The following PROSER2 variants were observed in gnomAD, a reference collection of about 807,000 sequenced individuals.
The protein encoded by PROSER2 is proline and serine rich 2.
A neutral mutation model predicts 14.6 loss-of-function variants in PROSER2; 18 were observed. The ratio of observed to expected loss-of-function variants is 1.23; its 90% CI spans 0.85 to 1.83. The LOEUF (loss-of-function observed/expected upper bound fraction) is 1.83, where lower values mean the gene tolerates loss of function less well. Among genes scored for constraint, PROSER2 ranks in the 40% most tolerant of loss-of-function variants. The pLI is 0.00. For synonymous variants in PROSER2, 367 were observed against 286.4 expected, an observed-to-expected ratio of 1.28 and a Z score of -2.84; for missense variants, 823 against 629.8, an observed-to-expected ratio of 1.31 and a Z score of -3.28.
chr10:11,848,577 A>C (rs1249515204), intron 1 of PROSER2, among the ~76,000 whole-genome samples: 1 of 152,192 alleles, frequency 6.6e-6, no homozygotes, highest in Non-Finnish European at 1.5e-5. Context: ...GACCATGGCC[A>C]GAGTCGTCTT....
intron 2 of PROSER2, among the ~76,000 whole-genome samples, chr10:11,853,099 TG>T (rs1834058850): frequency 6.6e-6 from 1 of 152,184 alleles, no homozygotes; most frequent in African/African-American, 2.4e-5. Flanking sequence ...TAGGAACCAT[TG>T]GGGGCACCTC....
intron 1 of PROSER2, among the ~76,000 whole-genome samples, chr10:11,827,789 C>T (rs1385950940): frequency 2.0e-5 from 3 of 151,808 alleles, no homozygotes; most frequent in Non-Finnish European, 4.4e-5. Flanking sequence ...GATGATCCTC[C>T]CCCCTCAGCC....
At chr10:11,864,031 T>A (rs1050852095) in intron 2 of PROSER2, among the ~76,000 whole-genome samples, 3 of 152,304 alleles carry the variant, frequency 2.0e-5, no homozygotes, top group Admixed American at 2.0e-4. Flanking sequence ...GCTCCGTGTC[T>A]TCTGTCTGGG....
chr10:11,843,472 G>A (rs1833879909), intron 1 of PROSER2, among the ~76,000 whole-genome samples: 1 of 151,822 alleles, frequency 6.6e-6, no homozygotes, highest in Non-Finnish European at 1.5e-5. Context: ...CAGATCATGA[G>A]GTCAAGAGAT....
intron 2 of PROSER2, chr10:11,857,497 C>A (rs1475567814): frequency 6.6e-6 from 1 of 152,152 alleles, no homozygotes; most frequent in African/African-American, 2.4e-5. Flanking sequence ...GTCATCCCAG[C>A]ACTTTGGGAG....
intron 2 of PROSER2, among the ~76,000 whole-genome samples, chr10:11,859,945 C>T (rs992221846): frequency 2.0e-5 from 3 of 152,178 alleles, no homozygotes; most frequent in Non-Finnish European, 2.9e-5. Context: ...GGGCATCTCC[C>T]GAGGGAGGGG....
intron 1 of PROSER2, among the ~76,000 whole-genome samples, chr10:11,825,258 GAAGT>G (rs1833595667): frequency 6.6e-6 from 1 of 151,976 alleles, no homozygotes; most frequent in Non-Finnish European, 1.5e-5. Flanking sequence ...CTAGAACTTA[GAAGT>G]TCAAGTGCAT....
At chr10:11,840,939 AAAAAAAAAAAAAAAAAATATATATAT>A (rs1490981488) in intron 1 of PROSER2, among the ~76,000 whole-genome samples, 5 of 65,518 alleles carry the variant, frequency 7.6e-5, no homozygotes, top group African/African-American at 2.2e-4. Context: ...AAAAAAAAAA[AAAAAAAAAAAAAAAAAATATATATAT>A]ATATATATAT....
chr10:11,867,202 T>C (rs1834366856), intron 3 of PROSER2, among the ~76,000 whole-genome samples: 1 of 143,146 alleles, frequency 7.0e-6, no homozygotes, highest in Admixed American at 7.5e-5. Flanking sequence ...GAGGCAGAGC[T>C]TGCAGTGAGC....
intron 1 of PROSER2, among the ~76,000 whole-genome samples, chr10:11,849,282 C>T (rs1310250700): frequency 1.6e-4 from 25 of 152,184 alleles, no homozygotes; most frequent in Admixed American, 1.6e-3. Context: ...TGGCACTGAA[C>T]ATTGTTACAT....
chr10:11,823,864 C>T lies in PROSER2; in HGVS notation c.-82+394C>T, dbSNP rs1281222150. Among the ~76,000 whole-genome samples, 1 of 152,200 alleles carries T rather than the reference C, an allele frequency of 6.6e-6. No homozygotes were observed. The highest frequency in any genetic ancestry group is 2.4e-5 in the African/African-American group (1 of 41,456). On this transcript the variant is annotated intron_variant, in intron 1 of 3. Coordinates refer to ENST00000277570, the MANE Select transcript of PROSER2 (RefSeq NM_153256.4). This position sits in a 1 kb window ranked among gnomAD's most constrained non-coding sequence, Gnocchi z 6.2. ...CCCCTGTCCTTTGCGCCGTGGGACC[C>T]CATGCGGCCTCGGGGAGAGGGTGCG... is the stretch of plus-strand genomic sequence containing the variant.
Position 11,866,439 on chromosome 10 carries a change from T to G in PROSER2, c.139-92T>G. 1 of 1,508,642 alleles carries G rather than the reference T, an allele frequency of 6.6e-7. No individual in the cohort carries two copies. 93.5% of individuals were successfully genotyped at this position (1,508,642 alleles called of 1,614,324 possible). On this transcript the variant is annotated intron_variant, in intron 2 of 3. Coordinates refer to ENST00000277570, the MANE Select transcript of PROSER2 (RefSeq NM_153256.4). This position sits in a 1 kb window ranked among gnomAD's most constrained non-coding sequence, Gnocchi z 6.0. Reference sequence around the variant, plus strand: ...GGACACAGTGAGTTCCGCCCTGGGCTGTGGACCAATCCCAACTTTGCTTCA... The same window carrying G: ...GGACACAGTGAGTTCCGCCCTGGGCGGTGGACCAATCCCAACTTTGCTTCA...
intron 1 of PROSER2, chr10:11,850,759 A>T (rs1834004264): frequency 6.6e-6 from 1 of 152,194 alleles, no homozygotes; most frequent in African/African-American, 2.4e-5. Context: ...GTCTTAAATG[A>T]CAGGTTCCCC....
At chr10:11,847,474 T>C (rs968813334) in intron 1 of PROSER2, among the ~76,000 whole-genome samples, 11 of 152,182 alleles carry the variant, frequency 7.2e-5, no homozygotes, top group Admixed American at 1.3e-4. Context: ...CTGGAGTGCA[T>C]TGGCGCAATC....
At position 11,870,298 on chromosome 10, in the gene PROSER2, C is replaced by T. The variant is rs116295162; in HGVS notation, c.1200C>T (p.Ser400=). Residue 400 remains serine (S), a synonymous_variant, in exon 4 of 4, where the codon TCC becomes TCT. Coordinates refer to ENST00000277570, the MANE Select transcript of PROSER2 (RefSeq NM_153256.4). The part of the protein sequence containing the change: ...NGAQDWRRAD[S]LPRPQGITVQ... Reference sequence around the variant, plus strand: ...CCCAGGACTGGCGCCGCGCAGACTCCCTGCCCCGGCCCCAGGGCATCACCG... The same window carrying T: ...CCCAGGACTGGCGCCGCGCAGACTCTCTGCCCCGGCCCCAGGGCATCACCG... The T allele has an allele frequency of 3.6e-3, 5,371 of 1,493,906 alleles. 148 individuals carry two copies. The African/African-American group carries it at 0.065, about 18-fold the overall frequency. The allele number at this position is 1,493,906 out of a possible 1,614,324, so 92.5% of individuals were successfully genotyped here.
rs10560433 is a variant in PROSER2 at position 11,867,264 on chromosome 10, C to CAAA, written c.391+502_391+504dup. 7.1e-3 allele frequency among the ~76,000 whole-genome samples: 366 copies of CAAA among 51,692 alleles called. 20 individuals are homozygous for CAAA. The highest frequency in any genetic ancestry group is 0.028 in the Middle Eastern group (1 of 36). The allele number at this position is 51,692 out of a possible 152,430, so 33.9% of individuals were successfully genotyped here. ...TGGGGGACAGAGTGAGACTCCGTCT[C>CAAA]AAAAAAAAAAAAAAAAAAAAAAAGA... is the stretch of plus-strand genomic sequence containing the variant. On this transcript the variant is annotated intron_variant, in intron 3 of 3. Coordinates refer to ENST00000277570, the MANE Select transcript of PROSER2 (RefSeq NM_153256.4).
At chr10:11,859,293 G>A (rs1014041730) in intron 2 of PROSER2, among the ~76,000 whole-genome samples, 2 of 152,056 alleles carry the variant, frequency 1.3e-5, no homozygotes, top group African/African-American at 4.8e-5. Context: ...GCCGAGTGTG[G>A]TGGTGCAGCC....
chr10:11,872,214 C>T lies in PROSER2; in HGVS notation c.*1808C>T, dbSNP rs570782799. 1.3e-5 allele frequency: 2 copies of T among 152,206 alleles called. No individual in the cohort carries two copies. The highest frequency in any genetic ancestry group is 2.9e-5 in the Non-Finnish European group (2 of 68,044). 9.4% of individuals were successfully genotyped at this position (152,206 alleles called of 1,614,324 possible). On this transcript the variant is annotated 3_prime_UTR_variant, in exon 4 of 4. Transcript: ENST00000277570. ...ACTGTGAGTAGGGTGAACTGGACTG[C>T]ATATTAGTTTATTTGTTGCCATAAT...
At chr10:11,834,525 A>G (rs913687561) in intron 1 of PROSER2, among the ~76,000 whole-genome samples, 1 of 152,002 alleles carries the variant, frequency 6.6e-6, no homozygotes, top group South Asian at 2.1e-4. Flanking sequence ...ATCTGAGGTC[A>G]GGAGTTCGAG....
Sources: gnomAD v4.1 joint callset for allele counts (sites outside exome capture counted in the v4.1 genomes callset) on GRCh38, gnomAD v4.1.1 for gene constraint, Gnocchi (gnomAD v3.1) non-coding constraint, MANE v1.5 for transcripts, NCBI Gene and HGNC (gene_info 2026-07-23, HGNC 2026-07-21) for gene names.